UNC5D: variants seen among roughly 807,000 people sequenced by gnomAD.
UNC5D encodes the protein netrin receptor UNC5D.
Under a neutral mutation model 105.4 loss-of-function variants are expected in UNC5D, and 39 were observed. The observed-to-expected ratio is 0.37, with a 90% CI of 0.29 to 0.48. The LOEUF is 0.48. Ranked by LOEUF, UNC5D falls within the 20% of genes least tolerant of loss-of-function variation. The probability of loss-of-function intolerance (pLI) is 0.98; values close to 1 mark genes in which losing one functional copy is unlikely to be tolerated. For missense variants in UNC5D, 991 were observed against 1,202.4 expected (o/e 0.82, Z 2.60); for synonymous variants, 452 against 450.4 (o/e 1.00, Z -0.04).
At position 35,365,591 on chromosome 8, in the gene UNC5D, CAAAAAAAA is replaced by C. The variant is rs10715369; in HGVS notation, c.103+129723_103+129730del. On this transcript the variant is annotated intron_variant, in intron 1 of 16. Coordinates refer to ENST00000404895, the MANE Select transcript of UNC5D (RefSeq NM_080872.4). ...TCTTAGGCTTTCATGCCATCCCCTG[CAAAAAAAA>C]AAAAAAAAAAAAAAAAAAGCAGCTG... Among the ~76,000 whole-genome samples, 408 of 49,904 alleles carry C rather than the reference CAAAAAAAA, an allele frequency of 8.2e-3. 5 individuals carry two copies. The highest frequency in any genetic ancestry group is 0.031 in the African/African-American group (381 of 12,410). 32.7% of individuals were successfully genotyped at this position (49,904 alleles called of 152,430 possible).
chr8:35,472,263 A>G (rs1418487928), intron 1 of UNC5D, among the ~76,000 whole-genome samples: 1 of 152,056 alleles, frequency 6.6e-6, no homozygotes, highest in Non-Finnish European at 1.5e-5. Context: ...GGGAACCTCT[A>G]CTCACAAGAG....
chr8:35,368,673 C>T (rs753124605), intron 1 of UNC5D, among the ~76,000 whole-genome samples: 5 of 151,600 alleles, frequency 3.3e-5, no homozygotes, highest in Non-Finnish European at 5.9e-5. Context: ...CTTTAAAATT[C>T]GTATGTTCCA....
intron 1 of UNC5D, among the ~76,000 whole-genome samples, chr8:35,249,106 AT>A (rs1293194296): frequency 3.3e-5 from 4 of 121,868 alleles, no homozygotes; most frequent in African/African-American, 1.4e-4. Context: ...ATAAAAAAAT[AT>A]ATATATTATA....
chr8:35,578,203 G>A (rs1348101288), intron 3 of UNC5D, among the ~76,000 whole-genome samples: 16 of 142,922 alleles, frequency 1.1e-4, no homozygotes, highest in African/African-American at 3.4e-4. Flanking sequence ...CCAGCCTGCG[G>A]GACAAGAGCA....
At chr8:35,603,991 T>A (rs1449912790) in intron 4 of UNC5D, among the ~76,000 whole-genome samples, 2 of 152,336 alleles carry the variant, frequency 1.3e-5, no homozygotes, top group East Asian at 3.9e-4. Flanking sequence ...TCTTGACTCT[T>A]TATCCAGATT....
chr8:35,323,065 C>A (rs1263244892), intron 1 of UNC5D, among the ~76,000 whole-genome samples: 1 of 151,220 alleles, frequency 6.6e-6, no homozygotes, highest in Non-Finnish European at 1.5e-5. Context: ...TTGAGTCAGG[C>A]AATATTTAGG....
At chr8:35,473,420 A>G (rs1399886280) in intron 1 of UNC5D, among the ~76,000 whole-genome samples, 1 of 152,150 alleles carries the variant, frequency 6.6e-6, no homozygotes, top group African/African-American at 2.4e-5. Flanking sequence ...TGCATCCAAT[A>G]AGTATTTGGT....
chr8:35,259,605 C>T (rs1041397720), intron 1 of UNC5D, among the ~76,000 whole-genome samples: 1 of 152,068 alleles, frequency 6.6e-6, no homozygotes, highest in Non-Finnish European at 1.5e-5. Context: ...GACTGATTTA[C>T]GTTTTTTCCT....
At chr8:35,270,072 T>C (rs182483207) in intron 1 of UNC5D, among the ~76,000 whole-genome samples, 2 of 152,206 alleles carry the variant, frequency 1.3e-5, no homozygotes, top group East Asian at 1.9e-4. Context: ...CAGAAGATAA[T>C]TGAGAGGGAA....
At chr8:35,305,128 G>T (rs930113896) in intron 1 of UNC5D, among the ~76,000 whole-genome samples, 13 of 152,018 alleles carry the variant, frequency 8.6e-5, no homozygotes, top group African/African-American at 3.1e-4. Flanking sequence ...AATTATGATA[G>T]CGGTCATCAA....
intron 1 of UNC5D, among the ~76,000 whole-genome samples, chr8:35,548,118 C>A (rs1815833975): frequency 6.6e-6 from 1 of 152,130 alleles, no homozygotes; most frequent in Non-Finnish European, 1.5e-5. Context: ...TCTGCCTTTC[C>A]CAGCCCACTG....
At chr8:35,352,780 T>C (rs1278232183) in intron 1 of UNC5D, among the ~76,000 whole-genome samples, 1 of 151,952 alleles carries the variant, frequency 6.6e-6, no homozygotes, top group Non-Finnish European at 1.5e-5. Context: ...GCCTGGCTAA[T>C]TTTTGTATTT....
chr8:35,636,409 G>C (rs551093276), intron 4 of UNC5D, among the ~76,000 whole-genome samples: 1 of 152,128 alleles, frequency 6.6e-6, no homozygotes, highest in Non-Finnish European at 1.5e-5. Context: ...GTGAATTATG[G>C]GTGTTTGGCA....
In UNC5D at chr8:35,711,137, A is replaced by C. The variant is rs10087027; in HGVS notation, c.1117+5176A>C. On this transcript the variant is annotated intron_variant, in intron 8 of 16. Transcript: ENST00000404895. The stretch of plus-strand genomic sequence containing the variant: ...TCTTAAAAGGAAGTCTAGAGCACTT[A>C]ACATGTATATGATCTGGTCCCGGCT... Among the ~76,000 whole-genome samples the C allele has an allele frequency of 8.3e-3, 1,251 of 149,836 alleles. 23 individuals are homozygous for C. Among genetic ancestry groups the C allele is most frequent in the African/African-American group, 0.029 (1,194 of 40,740 alleles).
rs1827549864 is a variant in UNC5D at position 35,705,931 on chromosome 8, A to G, written c.1087A>G (p.Lys363Glu). 2 of 1,330,406 alleles carry G rather than the reference A, an allele frequency of 1.5e-6. No individual in the cohort carries two copies. The highest frequency in any genetic ancestry group is 1.9e-5 in the Admixed American group (1 of 52,222). The allele number at this position is 1,330,406 out of a possible 1,614,324, so 82.4% of individuals were successfully genotyped here. Residue 363 changes from lysine to glutamate, a missense_variant and splice_region_variant, in exon 8 of 17, where the codon AAA becomes GAA. Lys to Glu is a moderately conservative substitution (Grantham distance 56, BLOSUM62 1). Transcript: ENST00000404895. Reference sequence around the variant, plus strand: ...TTTTCTTTCTTTCTTTCTTTTAGATAAAAAACCTCTTCATGAAATAAAACC... The same window carrying G: ...TTTTCTTTCTTTCTTTCTTTTAGATGAAAAACCTCTTCATGAAATAAAACC... The part of the protein sequence containing the change: ...NCTDGLCILD[K>E]KPLHEIKPQS...
intron 4 of UNC5D, among the ~76,000 whole-genome samples, chr8:35,667,713 G>A (rs1824519665): frequency 6.6e-6 from 1 of 152,304 alleles, no homozygotes; most frequent in East Asian, 1.9e-4. Flanking sequence ...CATAATAACA[G>A]AACAGTTTGT....
At chr8:35,721,486 ATG>A in intron 8 of UNC5D, 1 of 702,984 alleles carries the variant, frequency 1.4e-6, no homozygotes, top group South Asian at 1.5e-5. Flanking sequence ...GAGAAACAGC[ATG>A]TGCCGTCCTA....
chr8:35,432,804 G>C (rs899844447), intron 1 of UNC5D, among the ~76,000 whole-genome samples: 7 of 152,196 alleles, frequency 4.6e-5, no homozygotes, highest in Non-Finnish European at 8.8e-5. Context: ...ATAGTTGACT[G>C]TCCTGCCGGA....
rs549370795 is a variant in UNC5D at position 35,244,848 on chromosome 8, C to A, written c.103+8961C>A. Among the ~76,000 whole-genome samples the A allele has an allele frequency of 4.0e-5, 6 of 151,760 alleles. No homozygotes were observed. The East Asian group carries it at 1.2e-3, about 29-fold the overall frequency. On this transcript the variant is annotated intron_variant, in intron 1 of 16. Coordinates refer to ENST00000404895, the MANE Select transcript of UNC5D (RefSeq NM_080872.4). Reference sequence around the variant, plus strand: ...CAACATAGCCAGACTCTCTTCTCTGCACATTTTTTTTTTTAAAGTTAGCTG... The same window carrying A: ...CAACATAGCCAGACTCTCTTCTCTGAACATTTTTTTTTTTAAAGTTAGCTG...
Sources: gnomAD v4.1 joint callset for allele counts (sites outside exome capture counted in the v4.1 genomes callset) on GRCh38, gnomAD v4.1.1 for gene constraint, MANE v1.5 for transcripts, NCBI Gene and HGNC (gene_info 2026-07-23, HGNC 2026-07-21) for gene names.